The following TM9SF4 variants were observed in gnomAD, a reference collection of about 807,000 sequenced individuals.
TM9SF4 encodes the protein transmembrane 9 superfamily member 4.
Under a neutral mutation model 90.4 loss-of-function variants are expected in TM9SF4, and 26 were observed. The ratio of observed to expected loss-of-function variants is 0.29; its 90% CI spans 0.21 to 0.40. The LOEUF is 0.40. Ranked by LOEUF, TM9SF4 falls within the 10% of genes least tolerant of loss-of-function variation. The pLI, the probability that TM9SF4 is intolerant of heterozygous loss-of-function variation, is 1.00. For missense variants in TM9SF4, 549 were observed against 834.8 expected, an observed-to-expected ratio of 0.66 and a Z score of 4.22; for synonymous variants, 293 against 315.4, an observed-to-expected ratio of 0.93 and a Z score of 0.75.
At chr20:32,120,080 A>T (rs1401200438) in intron 1 of TM9SF4, among the ~76,000 whole-genome samples, 1 of 152,218 alleles carries the variant, frequency 6.6e-6, no homozygotes. Context: ...ATTATGTAGT[A>T]TAAGTCCTCC....
chr20:32,148,895 C>T (rs563870331), intron 9 of TM9SF4, among the ~76,000 whole-genome samples: 95 of 152,246 alleles, frequency 6.2e-4, no homozygotes, highest in Middle Eastern at 3.4e-3. Flanking sequence ...TGGTCTCGAT[C>T]TCCTGACCTC....
chr20:32,143,469 G>A (rs573663062), intron 6 of TM9SF4, among the ~76,000 whole-genome samples: 1 of 152,310 alleles, frequency 6.6e-6, no homozygotes, highest in East Asian at 1.9e-4. Context: ...ACCCTGGGTT[G>A]AGAACAAGGG....
intron 9 of TM9SF4, 110 bp downstream of exon 9, chr20:32,146,965 T>A: frequency 8.6e-6 from 8 of 933,186 alleles, no homozygotes; most frequent in Non-Finnish European, 1.3e-5. Context: ...CTCAAAATAC[T>A]AAAACAGTTT....
chr20:32,153,679 G>A (rs1472909134), intron 12 of TM9SF4, among the ~76,000 whole-genome samples: 1 of 152,218 alleles, frequency 6.6e-6, no homozygotes, highest in Non-Finnish European at 1.5e-5. Flanking sequence ...AGGAGTTTGA[G>A]GCTGCGGTGA....
rs1316679174 is a variant in TM9SF4, at chr20:32,146,775, T to C, written c.884-10T>C. Reference sequence around the variant, plus strand: ...CAACTTCTCCTCATCCTCACCGCCATCTATTTCAGGTATCCTGAGCATGAT... The same window carrying C: ...CAACTTCTCCTCATCCTCACCGCCACCTATTTCAGGTATCCTGAGCATGAT... On this transcript the variant is annotated splice_polypyrimidine_tract_variant and intron_variant, in intron 8 of 17. Coordinates refer to ENST00000398022, the MANE Select transcript of TM9SF4 (RefSeq NM_014742.4). 14 of 1,613,852 alleles carry C rather than the reference T, an allele frequency of 8.7e-6. No individual in the cohort carries two copies. The South Asian group carries it at 1.5e-4, about 18-fold the overall frequency.
At chr20:32,118,825 C>T (rs1016079826) in intron 1 of TM9SF4, among the ~76,000 whole-genome samples, 2 of 151,902 alleles carry the variant, frequency 1.3e-5, no homozygotes, top group African/African-American at 4.8e-5. Context: ...TTTGTAGAGA[C>T]GAGGTTTTGC....
intron 8 of TM9SF4, 49 bp from the exon 9 acceptor site, chr20:32,146,736 C>T: frequency 6.3e-7 from 1 of 1,584,222 alleles, no homozygotes; most frequent in Non-Finnish European, 8.7e-7. Flanking sequence ...GGAGCATGGG[C>T]TTGCTGGCAG....
intron 3 of TM9SF4, chr20:32,136,846 A>G: frequency 2.1e-6 from 1 of 471,198 alleles, no homozygotes; most frequent in South Asian, 1.5e-5. Context: ...ACCTCAGGGA[A>G]CTTAAGAGAC....
chr20:32,140,135 C>T (rs542887364), intron 3 of TM9SF4, among the ~76,000 whole-genome samples: 3 of 152,284 alleles, frequency 2.0e-5, no homozygotes, highest in African/African-American at 4.8e-5. Flanking sequence ...AGTGCCCTGT[C>T]GAGCAGATCC....
rs1035097223 is a variant in TM9SF4, at chr20:32,158,512, A to G, written c.1567A>G (p.Ser523Gly). Residue 523 changes from serine (S) to glycine (G), a missense_variant and splice_region_variant, in exon 15 of 18, where the codon AGT becomes GGT. Transcript: ENST00000398022. ...AMFIELFFIF[S>G]AIWENQFYYL... ...GTTCATCGAGCTCTTCTTCATCTTC[A>G]GTGTGAGTACTGGTGCCTCCCCCAC... 1 of 1,614,038 alleles carries G rather than the reference A, an allele frequency of 6.2e-7. No individual in the cohort carries two copies. Among genetic ancestry groups the G allele is most frequent in the Non-Finnish European group, 8.5e-7 (1 of 1,180,006 alleles).
chr20:32,115,806 G>GTTTTTTTTTTTTTT (rs1243268586), intron 1 of TM9SF4, among the ~76,000 whole-genome samples: 1 of 106,306 alleles, frequency 9.4e-6, no homozygotes, highest in Non-Finnish European at 1.8e-5. Context: ...ACCACTTTAA[G>GTTTTTTTTTTTTTT]CTTTTTTTTT....
intron 1 of TM9SF4, among the ~76,000 whole-genome samples, chr20:32,110,724 A>G (rs1387870606): frequency 6.6e-6 from 1 of 152,174 alleles, no homozygotes; most frequent in African/African-American, 2.4e-5. Flanking sequence ...CTGTGTGTGG[A>G]TGAGGGTGGA....
At chr20:32,159,297 T>A (rs2046978483) in intron 15 of TM9SF4, 1 of 152,324 alleles carries the variant, frequency 6.6e-6, no homozygotes, top group African/African-American at 2.4e-5. Context: ...TCCCAAAGAG[T>A]GCCAAGATGA....
intron 3 of TM9SF4, among the ~76,000 whole-genome samples, chr20:32,136,547 C>T (rs1464830099): frequency 3.3e-5 from 5 of 152,180 alleles, no homozygotes; most frequent in Non-Finnish European, 7.3e-5. Context: ...ATCACCTCCT[C>T]TGCTTTAAAT....
chr20:32,123,168 A>G (rs1164876730), intron 1 of TM9SF4, among the ~76,000 whole-genome samples: 1 of 35,120 alleles, frequency 2.8e-5, no homozygotes, highest in Admixed American at 4.6e-4. Context: ...GAGGAGAGGG[A>G]GAGGGGGAGG....
chr20:32,147,236 C>T (rs570265987), intron 9 of TM9SF4, among the ~76,000 whole-genome samples: 1 of 151,968 alleles, frequency 6.6e-6, no homozygotes, highest in East Asian at 1.9e-4. Flanking sequence ...CCTCGGCCTC[C>T]GAAAGTACTG....
At chr20:32,110,768 G>A (rs899603211) in intron 1 of TM9SF4, among the ~76,000 whole-genome samples, 4 of 152,202 alleles carry the variant, frequency 2.6e-5, no homozygotes, top group African/African-American at 9.7e-5. Flanking sequence ...TTGGGTCAGA[G>A]CTTGCGGGCT....
chr20:32,137,459 A>G (rs1483661318), intron 3 of TM9SF4, among the ~76,000 whole-genome samples: 1 of 152,218 alleles, frequency 6.6e-6, no homozygotes, highest in Non-Finnish European at 1.5e-5. Flanking sequence ...AGCTGGGGAA[A>G]GTTCCTGCCT....
intron 1 of TM9SF4, among the ~76,000 whole-genome samples, chr20:32,123,866 A>ATATTTTTTTTTTTTTTTTTTTTT: frequency 1.1e-5 from 1 of 93,980 alleles, no homozygotes; most frequent in Non-Finnish European, 2.0e-5. Context: ...ATATATATAT[A>ATATTTTTTTTTTTTTTTTTTTTT]TTTTTTTTTT....
Sources: allele counts gnomAD v4.1 joint callset (sites outside exome capture counted in the v4.1 genomes callset), GRCh38; gene constraint gnomAD v4.1.1; transcripts MANE v1.5; gene names NCBI Gene and HGNC (gene_info 2026-07-23, HGNC 2026-07-21).